NDRG2: variants seen among roughly 807,000 people sequenced by gnomAD.
NDRG2 encodes the protein NDRG family member 2, also known as protein NDRG2.
NDRG2 carries 34 observed loss-of-function variants against 58.2 expected under a neutral mutation model. The ratio of observed to expected loss-of-function variants is 0.58; its 90% confidence interval spans 0.44 to 0.78. The LOEUF (loss-of-function observed/expected upper bound fraction) is 0.78. Among genes scored for constraint, NDRG2 ranks in the 30% least tolerant of loss-of-function variants. The pLI is 0.00. For missense variants in NDRG2, 434 were observed against 471.2 expected (o/e 0.92, Z 0.73); for synonymous variants, 187 against 175.9 (o/e 1.06, Z -0.50).
intron 1 of NDRG2, among the ~76,000 whole-genome samples, chr14:21,052,728 A>AC (rs1259557794): frequency 6.6e-6 from 1 of 152,214 alleles, no homozygotes; most frequent in Non-Finnish European, 1.5e-5. Flanking sequence ...ACCACTGGAG[A>AC]TAAACAGATG....
chr14:21,023,489 C>T, intron 1 of NDRG2, 168 bp from the exon 2 acceptor site: 2 of 613,768 alleles, frequency 3.3e-6, no homozygotes. Context: ...AGCTCCGTTT[C>T]CAGGCTGATC....
rs755953133 is a variant in NDRG2 at position 21,021,797 on chromosome 14, G to C, written c.407+20C>G. 3 of 1,608,424 alleles carry C rather than the reference G, an allele frequency of 1.9e-6. No homozygotes were observed. The highest frequency in any genetic ancestry group is 1.7e-6 in the Non-Finnish European group (2 of 1,177,218). On this transcript the variant is annotated intron_variant, in intron 6 of 15. Transcript: ENST00000556147. ...GCTGGAAAGAGAACTCTGGTTTGGA[G>C]GGGTTCCCAGGCCTCTCACTTTAGG...
upstream of NDRG2, chr14:21,025,079 G>C (rs947731982): frequency 1.0e-6 from 1 of 985,630 alleles, no homozygotes; most frequent in Non-Finnish European, 1.2e-6. The surrounding 1 kb of genome is among the most constrained non-coding windows in gnomAD (Gnocchi z 5.1). Flanking sequence ...ACTCGGGCCC[G>C]CCCCGGCTCG....
intron 1 of NDRG2, among the ~76,000 whole-genome samples, chr14:21,049,515 T>C (rs1885367680): frequency 6.6e-6 from 1 of 152,014 alleles, no homozygotes; most frequent in African/African-American, 2.4e-5. Context: ...ATTTCCTATC[T>C]CCATGGCTTT....
chr14:21,048,771 G>A (rs1304347237), intron 1 of NDRG2, among the ~76,000 whole-genome samples: 1 of 152,188 alleles, frequency 6.6e-6, no homozygotes, highest in Non-Finnish European at 1.5e-5. Flanking sequence ...GTGATGAATG[G>A]AGCAGGCCTG....
upstream of NDRG2, among the ~76,000 whole-genome samples, chr14:21,028,023 G>A (rs904900724): frequency 6.6e-6 from 1 of 152,150 alleles, no homozygotes; most frequent in African/African-American, 2.4e-5. Context: ...TCACTGTACA[G>A]ATGAGAAAAT....
chr14:21,070,630 C>T lies in NDRG2; in HGVS notation c.24+198G>A, dbSNP rs1374020768. 1.3e-5 allele frequency among the ~76,000 whole-genome samples: 2 copies of T among 152,098 alleles called. No individual in the cohort carries two copies. The highest frequency in any genetic ancestry group is 2.4e-5 in the African/African-American group (1 of 41,434). Reference sequence around the variant, plus strand: ...TTCTTCCTCCTCTCCTCCGCCTCCTCCCCCATCCTCCCTTGGGTCTCTCCC... The same window carrying T: ...TTCTTCCTCCTCTCCTCCGCCTCCTTCCCCATCCTCCCTTGGGTCTCTCCC... On this transcript the variant is annotated intron_variant, in intron 1 of 14. Transcript: ENST00000403829. This position sits in a 1 kb window ranked among gnomAD's most constrained non-coding sequence, Gnocchi z 4.7.
intron 1 of NDRG2, among the ~76,000 whole-genome samples, chr14:21,036,887 G>C (rs1385846566): frequency 6.6e-6 from 1 of 152,216 alleles, no homozygotes; most frequent in African/African-American, 2.4e-5. Context: ...TATTCTTCAG[G>C]CTGCTCAACA....
At chr14:21,056,920 G>T (rs1284270111) in intron 1 of NDRG2, among the ~76,000 whole-genome samples, 2 of 152,180 alleles carry the variant, frequency 1.3e-5, no homozygotes, top group Non-Finnish European at 1.5e-5. Context: ...AGGGCAAAAT[G>T]TCAGGCATGG....
At chr14:21,054,888 C>G (rs1885608629) in intron 1 of NDRG2, among the ~76,000 whole-genome samples, 1 of 152,046 alleles carries the variant, frequency 6.6e-6, no homozygotes, top group African/African-American at 2.4e-5. Flanking sequence ...CTGTACCGAG[C>G]ACATTTTAGA....
chr14:21,065,124 T>C (rs1354552730), intron 1 of NDRG2, among the ~76,000 whole-genome samples: 2 of 151,874 alleles, frequency 1.3e-5, no homozygotes, highest in Admixed American at 6.6e-5. Context: ...TGAGTCGAGA[T>C]TGTACCACTG....
At chr14:21,034,192 A>AG in intron 1 of NDRG2, 1 of 1,614,132 alleles carries the variant, frequency 6.2e-7, no homozygotes, top group Non-Finnish European at 8.5e-7. Context: ...CTTAAGGTAT[A>AG]GAAGTTCCTG....
At chr14:21,059,322 C>T (rs1316285051) in intron 1 of NDRG2, among the ~76,000 whole-genome samples, 5 of 152,068 alleles carry the variant, frequency 3.3e-5, no homozygotes, top group African/African-American at 9.7e-5. Flanking sequence ...TATATGCAAT[C>T]GGCCATAGAC....
chr14:21,020,087 A>T (rs1879300425), intron 8 of NDRG2, 111 bp from the exon 9 acceptor site: 7 of 871,040 alleles, frequency 8.0e-6, no homozygotes, highest in Non-Finnish European at 1.1e-5. Context: ...CGAGGTCAGG[A>T]GTTCAAGACC....
At chr14:21,043,443 C>T (rs1171988563) in intron 1 of NDRG2, 3 of 1,599,336 alleles carry the variant, frequency 1.9e-6, no homozygotes, top group African/African-American at 2.7e-5. Flanking sequence ...GGTTCCTGTA[C>T]ACTTGGACAG....
intron 1 of NDRG2, among the ~76,000 whole-genome samples, chr14:21,039,337 G>A (rs1036639728): frequency 5.9e-5 from 9 of 152,224 alleles, no homozygotes; most frequent in Non-Finnish European, 1.2e-4. Context: ...TGACTTCGAC[G>A]ATAGAATGAG....
chr14:21,058,423 T>C (rs1885783720), intron 1 of NDRG2: 1 of 1,188,982 alleles, frequency 8.4e-7, no homozygotes, highest in African/African-American at 1.5e-5. Flanking sequence ...CTCCCTCCAG[T>C]TCGTTATTAA....
At chr14:21,048,563 G>C (rs1317128776) in intron 1 of NDRG2, 4 of 152,178 alleles carry the variant, frequency 2.6e-5, no homozygotes, top group Admixed American at 6.5e-5. Flanking sequence ...TGGCAATAAT[G>C]TTACCAACAG....
At chr14:21,055,623 A>G (rs1020131421) in intron 1 of NDRG2, among the ~76,000 whole-genome samples, 2 of 152,204 alleles carry the variant, frequency 1.3e-5, no homozygotes, top group Non-Finnish European at 2.9e-5. Context: ...CAGGGAAAGC[A>G]TGTTTGCAAC....
Sources: allele counts gnomAD v4.1 joint callset (sites outside exome capture counted in the v4.1 genomes callset), GRCh38; gene constraint gnomAD v4.1.1; non-coding constraint Gnocchi (gnomAD v3.1); transcripts MANE v1.5; gene names NCBI Gene and HGNC (gene_info 2026-07-23, HGNC 2026-07-21).